Variants in ADAM12 observed in about 807,000 individuals in gnomAD.
The protein encoded by ADAM12 is disintegrin and metalloproteinase domain-containing protein 12.
A neutral mutation model predicts 106.4 loss-of-function variants in ADAM12; 70 were observed. The ratio of observed to expected loss-of-function variants is 0.66; its 90% CI spans 0.54 to 0.80. The LOEUF (loss-of-function observed/expected upper bound fraction) is 0.80, where lower values mean the gene tolerates loss of function less well. Among genes scored for constraint, ADAM12 ranks in the 30% least tolerant of loss-of-function variants. ADAM12 has a pLI of 0.00. For missense variants in ADAM12, 1,010 were observed against 1,171.9 expected (o/e 0.86, Z 2.02); for synonymous variants, 420 against 433.5 (o/e 0.97, Z 0.39).
At chr10:126,159,479 TAAC>T (rs1194405347) in intron 3 of ADAM12, among the ~76,000 whole-genome samples, 2 of 152,226 alleles carry the variant, frequency 1.3e-5, no homozygotes, top group African/African-American at 4.8e-5. Flanking sequence ...ATTCAGGTCT[TAAC>T]AATGTTGAAA....
At chr10:126,221,389 CAAAAAA>C (rs35766891) in intron 3 of ADAM12, among the ~76,000 whole-genome samples, 4 of 100,710 alleles carry the variant, frequency 4.0e-5, no homozygotes, top group Non-Finnish European at 4.1e-5. Context: ...GACTCTGTCT[CAAAAAA>C]AAAAAAAAAA....
At chr10:126,194,486 A>G (rs1957562620) in intron 3 of ADAM12, among the ~76,000 whole-genome samples, 1 of 152,198 alleles carries the variant, frequency 6.6e-6, no homozygotes, top group Non-Finnish European at 1.5e-5. Context: ...CATTTCTCAC[A>G]CGTAGAGAAA....
rs1205744426 is a variant in ADAM12, at chr10:126,191,780, C to CTATTA, written c.261-36480_261-36476dup. Among the ~76,000 whole-genome samples the CTATTA allele has an allele frequency of 6.6e-5, 10 of 152,182 alleles. No individual in the cohort carries two copies. In the East Asian group the frequency reaches 1.9e-3, roughly 29 times the overall value. On this transcript the variant is annotated intron_variant, in intron 3 of 22. Transcript: ENST00000448723. The stretch of plus-strand genomic sequence containing the variant: ...ATCTTGGCTCTACTAATAACTAGCT[C>CTATTA]TATTAGTCCACTCTCACACTGCTAT...
At chr10:126,277,188 A>T (rs1157230344) in intron 3 of ADAM12, among the ~76,000 whole-genome samples, 1 of 152,228 alleles carries the variant, frequency 6.6e-6, no homozygotes, top group Admixed American at 6.5e-5. Flanking sequence ...CTTTTTAAAA[A>T]ATGTTAGGGT....
chr10:126,209,859 A>G (rs1308171437), intron 3 of ADAM12, among the ~76,000 whole-genome samples: 1 of 152,242 alleles, frequency 6.6e-6, no homozygotes, highest in African/African-American at 2.4e-5. Context: ...CAATAGATTT[A>G]GAGGTCTGGA....
At chr10:126,340,077 T>C (rs1402188068) in intron 1 of ADAM12, among the ~76,000 whole-genome samples, 2 of 151,964 alleles carry the variant, frequency 1.3e-5, no homozygotes, top group African/African-American at 4.8e-5. Flanking sequence ...ATGGTCTTGA[T>C]CTCTTGACCT....
intron 3 of ADAM12, among the ~76,000 whole-genome samples, chr10:126,258,280 C>T (rs1010288713): frequency 6.6e-6 from 1 of 152,114 alleles, no homozygotes; most frequent in African/African-American, 2.4e-5. Context: ...AGTCATCTCA[C>T]AGTTTTCTAG....
intron 18 of ADAM12, chr10:126,041,229 C>T (rs1033598489): frequency 4.8e-6 from 3 of 619,696 alleles, no homozygotes; most frequent in Non-Finnish European, 6.0e-6. Flanking sequence ...GTGGCAGACA[C>T]ACAAGTACTT....
At chr10:126,164,925 T>C (rs1389336377) in intron 3 of ADAM12, among the ~76,000 whole-genome samples, 1 of 152,216 alleles carries the variant, frequency 6.6e-6, no homozygotes, top group Non-Finnish European at 1.5e-5. Flanking sequence ...CGAAGACATC[T>C]GGTATTTCTC....
chr10:126,192,853 G>A (rs4962514), intron 3 of ADAM12, among the ~76,000 whole-genome samples: 27,056 of 152,228 alleles, frequency 0.18, 4,968 homozygotes, highest in East Asian at 0.44. Context: ...CTAGAGCTGC[G>A]GGTTTCTACC....
intron 3 of ADAM12, among the ~76,000 whole-genome samples, chr10:126,216,622 C>T (rs763388370): frequency 1.5e-4 from 23 of 152,324 alleles, no homozygotes; most frequent in Admixed American, 2.6e-4. Context: ...TCATGTGAAA[C>T]GCATCACACT....
chr10:126,154,588 C>T (rs1018327167), intron 4 of ADAM12, among the ~76,000 whole-genome samples: 1 of 152,184 alleles, frequency 6.6e-6, no homozygotes, highest in African/African-American at 2.4e-5. Context: ...CTTCCTCCTT[C>T]CCAGAGGGCA....
At chr10:126,085,110 C>A (rs550263586) in intron 11 of ADAM12, among the ~76,000 whole-genome samples, 9 of 152,342 alleles carry the variant, frequency 5.9e-5, no homozygotes, top group African/African-American at 2.2e-4. Context: ...GAAGGCCCTG[C>A]TGGAAAGACT....
rs117390797 is a variant in ADAM12, at chr10:126,298,241, T to C, written c.187-19253A>G. Among the ~76,000 whole-genome samples the C allele has an allele frequency of 2.2e-4, 32 of 148,816 alleles. No homozygotes were observed. In the East Asian group the frequency reaches 6.2e-3, roughly 29 times the overall value. On this transcript the variant is annotated intron_variant, in intron 2 of 22. Coordinates refer to ENST00000448723, the MANE Select transcript of ADAM12 (RefSeq NM_001288973.2). The stretch of plus-strand genomic sequence containing the variant: ...AATACAAGAAAAAAACCACAGGCAA[T>C]AGAAACTGACCTATAGGAGATGCAG...
intron 11 of ADAM12, among the ~76,000 whole-genome samples, chr10:126,088,141 G>A (rs1955392839): frequency 6.6e-6 from 1 of 152,144 alleles, no homozygotes; most frequent in Non-Finnish European, 1.5e-5. Flanking sequence ...CTTCTAGATG[G>A]TGCTTGATAC....
In ADAM12 at chr10:126,053,252, A is replaced by G. The variant is rs1372254878; in HGVS notation, c.1610-3583T>C. Reference sequence around the variant, plus strand: ...GTAAAGCCTGCAGAACCAAGAACCAATTAAACCTTTTTTCTTTATAAATTA... The same window carrying G: ...GTAAAGCCTGCAGAACCAAGAACCAGTTAAACCTTTTTTCTTTATAAATTA... On this transcript the variant is annotated intron_variant, in intron 14 of 22. Transcript: ENST00000448723. The surrounding 1 kb of genome is among the most constrained non-coding windows in gnomAD (Gnocchi z 4.6). Among the ~76,000 whole-genome samples, 1 of 152,178 alleles carries G rather than the reference A, an allele frequency of 6.6e-6. No individual in the cohort carries two copies. The highest frequency in any genetic ancestry group is 1.5e-5 in the Non-Finnish European group (1 of 68,036).
chr10:126,184,133 C>G (rs969091032), intron 3 of ADAM12, among the ~76,000 whole-genome samples: 6 of 152,306 alleles, frequency 3.9e-5, no homozygotes, highest in African/African-American at 1.4e-4. Flanking sequence ...AATATTTCAG[C>G]CCCTTCCAAG....
At chr10:126,044,345 T>G (rs1954259616) in intron 17 of ADAM12, among the ~76,000 whole-genome samples, 1 of 151,208 alleles carries the variant, frequency 6.6e-6, no homozygotes, top group African/African-American at 2.4e-5. Flanking sequence ...AAAAGAGAAA[T>G]CACTAAAAGA....
intron 2 of ADAM12, among the ~76,000 whole-genome samples, chr10:126,311,773 G>T (rs114483339): frequency 6.6e-6 from 1 of 152,110 alleles, no homozygotes; most frequent in African/African-American, 2.4e-5. Flanking sequence ...CAGCTCCCAC[G>T]CTCAGGACCC....
Sources: gnomAD v4.1 joint callset for allele counts (sites outside exome capture counted in the v4.1 genomes callset) on GRCh38, gnomAD v4.1.1 for gene constraint, Gnocchi (gnomAD v3.1) non-coding constraint, MANE v1.5 for transcripts, NCBI Gene and HGNC (gene_info 2026-07-23, HGNC 2026-07-21) for gene names.